Variants in CLIC5 observed in about 807,000 individuals in gnomAD.
CLIC5 encodes the protein CLIC family member 5.
A neutral mutation model predicts 24.7 loss-of-function variants in CLIC5; 20 were observed. The ratio of observed to expected loss-of-function variants is 0.81; its 90% CI spans 0.57 to 1.18. The LOEUF is 1.18. Among genes scored for constraint, CLIC5 ranks in the 50% most tolerant of loss-of-function variants. The pLI, the probability that CLIC5 is intolerant of heterozygous loss-of-function variation, is 0.00. For missense variants in CLIC5, 341 were observed against 326.1 expected, an observed-to-expected ratio of 1.05 and a Z score of -0.35; for synonymous variants, 159 against 135.6, an observed-to-expected ratio of 1.17 and a Z score of -1.20.
At chr6:45,930,608 C>T (rs968587280) in intron 4 of CLIC5, among the ~76,000 whole-genome samples, 1 of 152,180 alleles carries the variant, frequency 6.6e-6, no homozygotes, top group African/African-American at 2.4e-5. Context: ...GATTCCTCTG[C>T]CTGCCAGAAG....
intron 1 of CLIC5, among the ~76,000 whole-genome samples, chr6:45,979,951 C>CTTTTTTTTTTTT (rs3997321): frequency 1.9e-4 from 18 of 95,042 alleles, no homozygotes; most frequent in East Asian, 3.4e-4. Context: ...GACTTAGTCA[C>CTTTTTTTTTTTT]TTTTTTTTTT....
intron 4 of CLIC5, among the ~76,000 whole-genome samples, chr6:45,937,061 C>CA (rs149142256): frequency 0.024 from 3,662 of 150,474 alleles, 152 homozygotes; most frequent in African/African-American, 0.084. Context: ...CCTCAGGGAA[C>CA]AAAAAAAAAT....
Position 46,015,688 on chromosome 6 carries a change from G to C in CLIC5, c.-146C>G. 1 of 1,288,516 alleles carries C rather than the reference G, an allele frequency of 7.8e-7. No homozygotes were observed. The highest frequency in any genetic ancestry group is 9.9e-7 in the Non-Finnish European group (1 of 1,013,236). The allele number at this position is 1,288,516 out of a possible 1,614,324, so 79.8% of individuals were successfully genotyped here. A position where few individuals can be genotyped will look rare whatever the true frequency, so the allele number is the denominator to read the frequency against. On this transcript the variant is annotated 5_prime_UTR_variant, in exon 1 of 6. Coordinates refer to ENST00000339561, the MANE Select transcript of CLIC5 (RefSeq NM_016929.5). Reference sequence around the variant, plus strand: ...TTTTCACAAAACCATCTATTCTCCAGCCCGAGCAGCGGGGTCTGAGAGATC... The same window carrying C: ...TTTTCACAAAACCATCTATTCTCCACCCCGAGCAGCGGGGTCTGAGAGATC...
chr6:46,026,290 G>A (rs1309377047), intron 1 of CLIC5, among the ~76,000 whole-genome samples: 1 of 152,096 alleles, frequency 6.6e-6, no homozygotes, highest in Non-Finnish European at 1.5e-5. Context: ...GAACATGTCT[G>A]TATTTAAGCT....
chr6:46,018,474 T>C (rs1444967027), upstream of CLIC5, among the ~76,000 whole-genome samples: 4 of 152,350 alleles, frequency 2.6e-5, no homozygotes, highest in East Asian at 7.7e-4. Flanking sequence ...GTTTTGATAT[T>C]ATAAAGCTTC....
intron 4 of CLIC5, 72 bp downstream of exon 4, chr6:45,941,457 AGTATTTGACATGCCTATG>A (rs1387196779): frequency 1.0e-6 from 1 of 987,342 alleles, no homozygotes; most frequent in Non-Finnish European, 1.6e-6. Flanking sequence ...CTCTGGCCCA[AGTATTTGACATGCCTATG>A]GGCAAATTGA....
intron 1 of CLIC5, among the ~76,000 whole-genome samples, chr6:46,059,826 C>A (rs1562029804): frequency 6.7e-6 from 1 of 148,476 alleles, no homozygotes; most frequent in African/African-American, 2.5e-5. Context: ...ATAATAATCA[C>A]CCCTCTCACA....
At chr6:46,063,969 T>G (rs1266758127) in intron 1 of CLIC5, among the ~76,000 whole-genome samples, 1 of 152,128 alleles carries the variant, frequency 6.6e-6, no homozygotes, top group East Asian at 1.9e-4. Flanking sequence ...AACATAAAAT[T>G]CAGTATGTCT....
chr6:45,924,535 T>G (rs1763400047), intron 4 of CLIC5, among the ~76,000 whole-genome samples: 1 of 152,152 alleles, frequency 6.6e-6, no homozygotes, highest in South Asian at 2.1e-4. Flanking sequence ...GCAAATTAAA[T>G]GTGCAATTTT....
intron 1 of CLIC5, among the ~76,000 whole-genome samples, chr6:46,024,642 A>G (rs560381339): frequency 6.6e-6 from 1 of 152,298 alleles, no homozygotes; most frequent in South Asian, 2.1e-4. Flanking sequence ...AATGGTTAGT[A>G]AAATTCTTTT....
chr6:46,106,186 C>T, the CLIC5 span, among the ~76,000 whole-genome samples: 1 of 150,844 alleles, frequency 6.6e-6, no homozygotes, highest in Admixed American at 6.6e-5. Flanking sequence ...TCACTGCAAC[C>T]TCTGCCTCCC....
intron 1 of CLIC5, among the ~76,000 whole-genome samples, chr6:46,030,472 C>T (rs1215420215): frequency 2.0e-5 from 3 of 152,146 alleles, no homozygotes; most frequent in Non-Finnish European, 4.4e-5. Flanking sequence ...CAAATCCATC[C>T]TTCTCTTGGT....
intron 1 of CLIC5, among the ~76,000 whole-genome samples, chr6:46,045,299 A>G: frequency 6.6e-6 from 1 of 152,092 alleles, no homozygotes; most frequent in East Asian, 1.9e-4. Context: ...TAATTTTACC[A>G]CCTGGTACAA....
intron 1 of CLIC5, among the ~76,000 whole-genome samples, chr6:45,976,866 A>G (rs564712450): frequency 1.9e-4 from 29 of 152,316 alleles, no homozygotes; most frequent in Admixed American, 1.8e-3. Flanking sequence ...CACTAACAAC[A>G]ACAAAAGGGA....
intron 1 of CLIC5, among the ~76,000 whole-genome samples, chr6:46,044,969 C>T (rs9472678): frequency 0.077 from 11,697 of 152,146 alleles, 546 homozygotes; most frequent in Middle Eastern, 0.12. Flanking sequence ...GAGCACTCAG[C>T]TCCTCCAGAA....
the CLIC5 span, among the ~76,000 whole-genome samples, chr6:46,124,525 T>C: frequency 1.3e-5 from 2 of 152,330 alleles, no homozygotes; most frequent in African/African-American, 4.8e-5. Context: ...GGCAAGGACT[T>C]CATGTCTGAA....
chr6:46,080,078 CT>C lies in CLIC5; in HGVS notation c.164del (p.Glu55GlyfsTer76). ...TGGTATAGACTGACACAAAATCATACTCATGGGTATTCAGCTGAGTGGCATA... is the reference window on the plus strand; with the variant it reads ...TGGTATAGACTGACACAAAATCATACCATGGGTATTCAGCTGAGTGGCATA... On this transcript the variant is annotated frameshift_variant, in exon 1 of 6. Transcript: ENST00000185206. LOFTEE classifies it high-confidence loss of function. 1 of 1,551,720 alleles carries C rather than the reference CT, an allele frequency of 6.4e-7. No homozygotes were observed. Among genetic ancestry groups the C allele is most frequent in the Non-Finnish European group, 8.7e-7 (1 of 1,146,992 alleles).
chr6:45,997,764 A>G (rs1012759812), intron 1 of CLIC5, among the ~76,000 whole-genome samples: 1 of 152,248 alleles, frequency 6.6e-6, no homozygotes, highest in Non-Finnish European at 1.5e-5. Context: ...AGACTATGGA[A>G]AAAGGCCTGG....
the CLIC5 span, among the ~76,000 whole-genome samples, chr6:46,085,880 GCTGTGGTGGGCTCCACC>G: frequency 2.0e-5 from 3 of 152,236 alleles, no homozygotes; most frequent in Non-Finnish European, 4.4e-5. Flanking sequence ...GACTCCTTGA[GCTGTGGTGGGCTCCACC>G]CAGTTCAAGT....
Sources: gnomAD v4.1 joint callset for allele counts (sites outside exome capture counted in the v4.1 genomes callset) on GRCh38, gnomAD v4.1.1 for gene constraint, MANE v1.5 for transcripts, NCBI Gene and HGNC (gene_info 2026-07-23, HGNC 2026-07-21) for gene names.